GLRA3: variants seen among roughly 807,000 people sequenced by gnomAD.
GLRA3 encodes glycine receptor subunit alpha-3.
Under a neutral mutation model 60.4 loss-of-function variants are expected in GLRA3, and 44 were observed. That is an observed-to-expected ratio of 0.73 (90% confidence interval 0.57 to 0.94). GLRA3 has a LOEUF of 0.94. Among genes scored for constraint, GLRA3 ranks in the 40% least tolerant of loss-of-function variants. The pLI, the probability that GLRA3 is intolerant of heterozygous loss-of-function variation, is 0.00. For synonymous variants in GLRA3, 223 were observed against 192.9 expected (o/e 1.16, Z -1.29); for missense variants, 508 against 564.6 (o/e 0.90, Z 1.02).
intron 3 of GLRA3, among the ~76,000 whole-genome samples, chr4:174,750,344 C>T (rs1291023533): frequency 6.6e-6 from 1 of 151,984 alleles, no homozygotes; most frequent in East Asian, 1.9e-4. Context: ...GAAAGCTGGG[C>T]CTAGCAGGGG....
In GLRA3 at chr4:174,746,359, G is replaced by T. The variant is rs925274282; in HGVS notation, c.268-17661C>A. Among the ~76,000 whole-genome samples, 3 of 152,088 alleles carry T rather than the reference G, an allele frequency of 2.0e-5. No homozygotes were observed. The East Asian group carries it at 5.8e-4, about 29-fold the overall frequency. On this transcript the variant is annotated intron_variant, in intron 3 of 9. Coordinates refer to ENST00000274093, the MANE Select transcript of GLRA3 (RefSeq NM_006529.4). Reference sequence around the variant, plus strand: ...CATTCTCAGCAACATGGAAAGAGCTGCAGGTCATTCTTTTAAGTGAAATAA... The same window carrying T: ...CATTCTCAGCAACATGGAAAGAGCTTCAGGTCATTCTTTTAAGTGAAATAA...
chr4:174,806,130 TA>T (rs1385221544), intron 1 of GLRA3, among the ~76,000 whole-genome samples: 1 of 152,208 alleles, frequency 6.6e-6, no homozygotes, highest in Non-Finnish European at 1.5e-5. Context: ...ATCACTTTTT[TA>T]AATCTGGGAT....
Position 174,705,194 on chromosome 4 carries a change from G to C in GLRA3, c.574+10294C>G, listed in dbSNP as rs1454478465. On this transcript the variant is annotated intron_variant, in intron 5 of 9. Transcript: ENST00000274093. ...CTTTAACAGGAGATTGGGTCATGAG[G>C]TCTCTACCCTCATAGGTGGAATTAC... 2.1e-5 allele frequency among the ~76,000 whole-genome samples: 3 copies of C among 143,774 alleles called. 1 individual carries two copies. The highest frequency in any genetic ancestry group is 7.5e-5 in the African/African-American group (3 of 39,798). The allele number at this position is 143,774 out of a possible 152,430, so 94.3% of individuals were successfully genotyped here.
intron 9 of GLRA3, among the ~76,000 whole-genome samples, chr4:174,650,873 G>A (rs1733001007): frequency 6.6e-6 from 1 of 152,182 alleles, no homozygotes; most frequent in Non-Finnish European, 1.5e-5. Context: ...CATATGTGGT[G>A]AGAGCTTGTC....
intron 1 of GLRA3, among the ~76,000 whole-genome samples, chr4:174,812,398 T>C (rs1290818941): frequency 6.6e-6 from 1 of 152,118 alleles, no homozygotes; most frequent in African/African-American, 2.4e-5. Flanking sequence ...TTCATGCTTG[T>C]ATAACTACAG....
At chr4:174,751,301 C>T (rs1348132860) in intron 3 of GLRA3, among the ~76,000 whole-genome samples, 1 of 151,900 alleles carries the variant, frequency 6.6e-6, no homozygotes, top group Non-Finnish European at 1.5e-5. Flanking sequence ...ATTTTGAGAA[C>T]AATTTTATCA....
chr4:174,806,130 T>A (rs959387262), intron 1 of GLRA3, among the ~76,000 whole-genome samples: 1 of 152,208 alleles, frequency 6.6e-6, no homozygotes, highest in African/African-American at 2.4e-5. Flanking sequence ...ATCACTTTTT[T>A]AAATCTGGGA....
chr4:174,722,704 G>A (rs757600131), intron 4 of GLRA3: 8 of 164,690 alleles, frequency 4.9e-5, no homozygotes, highest in African/African-American at 9.7e-5. Flanking sequence ...TCAATTAGTC[G>A]TCTTTGCAAG....
Position 174,642,307 on chromosome 4 carries a change from T to C in GLRA3, c.*1479A>G. ...TCTTGTTAAAGAACTGGCTTTTCTA[T>C]TGTACATCTGAGTTCATTGTTTTCT... On this transcript the variant is annotated 3_prime_UTR_variant, in exon 10 of 10. Coordinates refer to ENST00000274093, the MANE Select transcript of GLRA3 (RefSeq NM_006529.4). 1.0e-6 allele frequency: 1 copy of C among 962,230 alleles called. No homozygotes were observed. Among genetic ancestry groups the C allele is most frequent in the Non-Finnish European group, 1.2e-6 (1 of 813,002 alleles). 59.6% of individuals were successfully genotyped at this position (962,230 alleles called of 1,614,324 possible).
chr4:174,686,121 A>C (rs1396731448), intron 5 of GLRA3, among the ~76,000 whole-genome samples: 1 of 152,188 alleles, frequency 6.6e-6, no homozygotes, highest in Non-Finnish European at 1.5e-5. Flanking sequence ...AAAAATACTT[A>C]AGTTTGAAAC....
rs1395251983 is a variant in GLRA3 at position 174,767,134 on chromosome 4, AC to A, written c.200-105del. 43 of 563,822 alleles carry A rather than the reference AC, an allele frequency of 7.6e-5. No homozygotes were observed. The African/African-American group carries it at 7.8e-4, about 10-fold the overall frequency. 34.9% of individuals were successfully genotyped at this position (563,822 alleles called of 1,614,324 possible). On this transcript the variant is annotated intron_variant, in intron 2 of 9. Coordinates refer to ENST00000274093, the MANE Select transcript of GLRA3 (RefSeq NM_006529.4). ...TTATTATTCCATTTTACACACACAC[AC>A]ACACACACACACACACACACAGATG...
At chr4:174,798,078 G>T (rs751844467) in intron 1 of GLRA3, among the ~76,000 whole-genome samples, 2 of 152,140 alleles carry the variant, frequency 1.3e-5, no homozygotes, top group African/African-American at 4.8e-5. Context: ...GAGAAAATAC[G>T]AAAGTTGAAG....
intron 1 of GLRA3, among the ~76,000 whole-genome samples, chr4:174,811,491 C>T (rs1350023973): frequency 6.6e-6 from 1 of 152,100 alleles, no homozygotes; most frequent in African/African-American, 2.4e-5. Context: ...TCATGTCCTC[C>T]ACATTGCCTT....
intron 9 of GLRA3, among the ~76,000 whole-genome samples, chr4:174,645,239 C>T (rs1037525043): frequency 6.6e-6 from 1 of 151,492 alleles, no homozygotes. Flanking sequence ...TGCTGAAACA[C>T]CATCTCTACT....
intron 3 of GLRA3, among the ~76,000 whole-genome samples, chr4:174,762,252 A>G (rs926390007): frequency 2.6e-5 from 4 of 152,124 alleles, no homozygotes; most frequent in Non-Finnish European, 5.9e-5. Context: ...AGGTGCTTCT[A>G]TGATGGAAAT....
intron 5 of GLRA3, among the ~76,000 whole-genome samples, chr4:174,708,601 CTTT>C (rs200207515): frequency 2.3e-5 from 3 of 133,030 alleles, no homozygotes; most frequent in Non-Finnish European, 4.8e-5. Context: ...AACTTTTACT[CTTT>C]TTTTTTTTTT....
intron 7 of GLRA3, among the ~76,000 whole-genome samples, chr4:174,670,767 G>A (rs1733873750): frequency 6.6e-6 from 1 of 151,920 alleles, no homozygotes; most frequent in Admixed American, 6.6e-5. Flanking sequence ...GTCCTAAGTA[G>A]GTCCTTGATG....
chr4:174,812,800 C>T (rs1740323596), intron 1 of GLRA3, among the ~76,000 whole-genome samples: 1 of 152,156 alleles, frequency 6.6e-6, no homozygotes, highest in Admixed American at 6.6e-5. Flanking sequence ...AGGTTACCCA[C>T]TCTCTCACCT....
At chr4:174,820,994 G>A (rs1230536055) in intron 1 of GLRA3, among the ~76,000 whole-genome samples, 1 of 152,036 alleles carries the variant, frequency 6.6e-6, no homozygotes, top group South Asian at 2.1e-4. Context: ...CTAATATCAG[G>A]ACCAACTGTT....
Sources: allele counts gnomAD v4.1 joint callset (sites outside exome capture counted in the v4.1 genomes callset), GRCh38; gene constraint gnomAD v4.1.1; transcripts MANE v1.5; gene names NCBI Gene and HGNC (gene_info 2026-07-23, HGNC 2026-07-21).